RAP1GAP2: variants seen among roughly 807,000 people sequenced by gnomAD.
RAP1GAP2 encodes the protein RAP1 GTPase activating protein 2, also known as rap1 GTPase-activating protein 2.
Under a neutral mutation model 95.0 loss-of-function variants are expected in RAP1GAP2, and 27 were observed. The observed-to-expected ratio is 0.28, with a 90% CI of 0.21 to 0.39. RAP1GAP2 has a LOEUF of 0.39. Among genes scored for constraint, RAP1GAP2 ranks in the 10% least tolerant of loss-of-function variants. RAP1GAP2 has a pLI of 1.00. For synonymous variants in RAP1GAP2, 373 were observed against 380.9 expected, an observed-to-expected ratio of 0.98 and a Z score of 0.24; for missense variants, 771 against 970.0, an observed-to-expected ratio of 0.79 and a Z score of 2.72.
chr17:2,956,899 C>T (rs935414190), intron 3 of RAP1GAP2, among the ~76,000 whole-genome samples: 2 of 152,060 alleles, frequency 1.3e-5, no homozygotes, highest in Non-Finnish European at 1.5e-5. Flanking sequence ...GAGGCCAAGG[C>T]GGGAGGATCA....
chr17:2,996,507 G>A (rs575768573), intron 13 of RAP1GAP2, among the ~76,000 whole-genome samples: 64 of 152,324 alleles, frequency 4.2e-4, no homozygotes, highest in Admixed American at 3.9e-4. Context: ...ATTGGCAAAC[G>A]AGATGATGAG....
In RAP1GAP2 at chr17:2,963,866, AG is replaced by A; in HGVS notation, c.293del (p.Gly98GlufsTer70). 2 of 1,605,188 alleles carry A rather than the reference AG, an allele frequency of 1.2e-6. No homozygotes were observed. The highest frequency in any genetic ancestry group is 1.7e-6 in the Non-Finnish European group (2 of 1,175,870). ...PYPSIDEVVE[K>X]GGPYPQVILP... Reference sequence around the variant, plus strand: ...TCCCTCTGCCTTCAGGTTGTGGAGAAGGGAGGCCCGTACCCTCAGGTCATCC... The same window carrying A: ...TCCCTCTGCCTTCAGGTTGTGGAGAAGGAGGCCCGTACCCTCAGGTCATCC... On this transcript the variant is annotated frameshift_variant, in exon 7 of 25. Transcript: ENST00000254695. LOFTEE classifies it high-confidence loss of function. This position sits in a 1 kb window ranked among gnomAD's most constrained non-coding sequence, Gnocchi z 4.8.
At chr17:2,933,675 C>T (rs781514736) in intron 3 of RAP1GAP2, among the ~76,000 whole-genome samples, 8 of 152,250 alleles carry the variant, frequency 5.3e-5, no homozygotes, top group Non-Finnish European at 8.8e-5. Context: ...GTTCCCTCTC[C>T]TAGAATGCCT....
In RAP1GAP2 at chr17:2,820,545, G is replaced by A. The variant is rs369020965; in HGVS notation, c.80+19995G>A. 5.7e-4 allele frequency among the ~76,000 whole-genome samples: 86 copies of A among 151,536 alleles called. 2 individuals are homozygous for A. The South Asian group carries it at 0.017, about 31-fold the overall frequency. ...TGAGGCAGGAGAATCACTTGAAGACGGGAGGCAGAGGCTGCAGTGAGCTGA... is the reference window on the plus strand; with the variant it reads ...TGAGGCAGGAGAATCACTTGAAGACAGGAGGCAGAGGCTGCAGTGAGCTGA... On this transcript the variant is annotated intron_variant, in intron 2 of 24. Transcript: ENST00000254695.
intron 2 of RAP1GAP2, among the ~76,000 whole-genome samples, chr17:2,807,323 C>G (rs541679421): frequency 1.3e-5 from 2 of 152,208 alleles, no homozygotes; most frequent in African/African-American, 2.4e-5. Flanking sequence ...GGCACCACTA[C>G]GATGTTCTAG....
chr17:2,820,233 C>G (rs1227655647), intron 2 of RAP1GAP2, among the ~76,000 whole-genome samples: 1 of 152,152 alleles, frequency 6.6e-6, no homozygotes, highest in Non-Finnish European at 1.5e-5. Context: ...TTCCCCTTGC[C>G]TGGCCCTCTG....
At chr17:2,923,180 C>CA (rs1266516982) in intron 3 of RAP1GAP2, among the ~76,000 whole-genome samples, 1 of 151,822 alleles carries the variant, frequency 6.6e-6, no homozygotes, top group Non-Finnish European at 1.5e-5. Context: ...GCTGGGACTA[C>CA]AGGCACCTGC....
chr17:3,013,834 C>A (rs1216435034), intron 17 of RAP1GAP2, among the ~76,000 whole-genome samples: 14 of 151,790 alleles, frequency 9.2e-5, no homozygotes, highest in Admixed American at 9.2e-4. Context: ...AATAATTTAC[C>A]CTTCAGAACT....
chr17:2,890,612 A>T (rs1597526196), intron 2 of RAP1GAP2, among the ~76,000 whole-genome samples: 1 of 151,264 alleles, frequency 6.6e-6, no homozygotes, highest in Non-Finnish European at 1.5e-5. Flanking sequence ...CAGCCAACAC[A>T]TGGGACCCCT....
At chr17:2,758,416 G>A (rs767974991) in intron 1 of RAP1GAP2, among the ~76,000 whole-genome samples, 3 of 151,894 alleles carry the variant, frequency 2.0e-5, no homozygotes, top group South Asian at 2.1e-4. Flanking sequence ...TTTGTGATCC[G>A]CCTGCCTCAG....
chr17:2,791,006 A>C (rs1239230246), intron 1 of RAP1GAP2, among the ~76,000 whole-genome samples: 2 of 152,210 alleles, frequency 1.3e-5, no homozygotes, highest in African/African-American at 2.4e-5. Context: ...TGAGTTCGAG[A>C]CCATCCAGGC....
intron 5 of RAP1GAP2, 58 bp downstream of exon 5, chr17:2,962,772 G>A: frequency 2.0e-6 from 3 of 1,480,178 alleles, no homozygotes; most frequent in Non-Finnish European, 2.7e-6. Flanking sequence ...TAGGGCGAGA[G>A]GAAGGCAGGA....
At position 2,852,847 on chromosome 17, in the gene RAP1GAP2, G is replaced by A. The variant is rs575723343; in HGVS notation, c.80+52297G>A. ...GCCCCGCGCCGATGGTAGGGACCAG[G>A]CCACAGCCCTTTCCCCAGGAGCCGG... is the stretch of plus-strand genomic sequence containing the variant. On this transcript the variant is annotated intron_variant, in intron 2 of 24. Transcript: ENST00000254695. Among the ~76,000 whole-genome samples the A allele has an allele frequency of 6.6e-5, 10 of 152,292 alleles. No homozygotes were observed. The South Asian group carries it at 1.9e-3, about 28-fold the overall frequency.
intron 3 of RAP1GAP2, among the ~76,000 whole-genome samples, chr17:2,946,092 A>G (rs2043689102): frequency 6.6e-6 from 1 of 152,042 alleles, no homozygotes; most frequent in Non-Finnish European, 1.5e-5. Context: ...TGCCCGGCCT[A>G]TTACATTGAT....
intron 17 of RAP1GAP2, among the ~76,000 whole-genome samples, chr17:3,016,445 C>T (rs1317380149): frequency 2.0e-5 from 3 of 152,236 alleles, no homozygotes; most frequent in Non-Finnish European, 4.4e-5. Context: ...ATGTGAACAA[C>T]AGATAATATT....
At chr17:2,794,879 T>TCC (rs2069025851), upstream of RAP1GAP2, among the ~76,000 whole-genome samples, 1 of 145,284 alleles carries the variant, frequency 6.9e-6, no homozygotes, top group Non-Finnish European at 1.5e-5. Context: ...CCTTTTTTTT[T>TCC]TTTTTTTTTT....
chr17:3,004,499 C>T lies in RAP1GAP2; in HGVS notation c.1201-870C>T, dbSNP rs1423952502. On this transcript the variant is annotated intron_variant, in intron 14 of 24. Coordinates refer to ENST00000254695, the MANE Select transcript of RAP1GAP2 (RefSeq NM_015085.5). This position sits in a 1 kb window ranked among gnomAD's most constrained non-coding sequence, Gnocchi z 4.1. ...GAAGGGAGGGCAGTCTCCCGAGAGC[C>T]TCACAGCCTCGTGGGCTGAGAATAG... Among the ~76,000 whole-genome samples, 3 of 152,236 alleles carry T rather than the reference C, an allele frequency of 2.0e-5. No homozygotes were observed. The highest frequency in any genetic ancestry group is 4.8e-5 in the African/African-American group (2 of 41,468).
At chr17:2,970,917 C>T (rs2044841761) in intron 8 of RAP1GAP2, among the ~76,000 whole-genome samples, 1 of 152,206 alleles carries the variant, frequency 6.6e-6, no homozygotes, top group South Asian at 2.1e-4. Context: ...CACCTGTGGT[C>T]CCAGCTACTC....
chr17:2,916,685 C>T (rs2042580682), intron 3 of RAP1GAP2, among the ~76,000 whole-genome samples: 2 of 152,194 alleles, frequency 1.3e-5, no homozygotes, highest in South Asian at 4.1e-4. Context: ...ATGAGGTCAT[C>T]CACAGAATCG....
Sources: gnomAD v4.1 joint callset for allele counts (sites outside exome capture counted in the v4.1 genomes callset) on GRCh38, gnomAD v4.1.1 for gene constraint, Gnocchi (gnomAD v3.1) non-coding constraint, MANE v1.5 for transcripts, NCBI Gene and HGNC (gene_info 2026-07-23, HGNC 2026-07-21) for gene names.